Variants in JAZF1 observed in about 807,000 individuals in gnomAD.
JAZF1 encodes juxtaposed with another zinc finger protein 1.
A neutral mutation model predicts 26.4 loss-of-function variants in JAZF1; 8 were observed. The ratio of observed to expected loss-of-function variants is 0.30; its 90% CI spans 0.18 to 0.55. The LOEUF is 0.55. Among genes scored for constraint, JAZF1 ranks in the 20% least tolerant of loss-of-function variants. The probability of loss-of-function intolerance (pLI) is 0.94; values close to 1 mark genes in which losing one functional copy is unlikely to be tolerated. For synonymous variants in JAZF1, 126 were observed against 122.3 expected (o/e 1.03, Z -0.20); for missense variants, 199 against 322.0 (o/e 0.62, Z 2.92).
intron 4 of JAZF1, among the ~76,000 whole-genome samples, chr7:27,834,690 T>TCC (rs1782771981): frequency 6.6e-6 from 1 of 152,152 alleles, no homozygotes; most frequent in Non-Finnish European, 1.5e-5. Flanking sequence ...GGCGGTTCCA[T>TCC]CCCCTCCGAG....
chr7:28,057,406 C>T (rs1177688482), intron 1 of JAZF1, among the ~76,000 whole-genome samples: 1 of 152,180 alleles, frequency 6.6e-6, no homozygotes, highest in East Asian at 1.9e-4. Flanking sequence ...TAGCTAAGAT[C>T]TACTGACCAC....
chr7:28,025,568 G>A (rs565583498), intron 1 of JAZF1, among the ~76,000 whole-genome samples: 42 of 152,256 alleles, frequency 2.8e-4, no homozygotes, highest in South Asian at 1.2e-3. Context: ...AGTAAAATAC[G>A]TCATTTAAAA....
intron 1 of JAZF1, among the ~76,000 whole-genome samples, chr7:28,101,620 T>G (rs193160707): frequency 4.8e-4 from 69 of 142,982 alleles, no homozygotes; most frequent in African/African-American, 1.8e-3. Context: ...AATGCACACC[T>G]GTAGTCCCAG....
At chr7:28,007,593 A>G (rs1782726598) in intron 1 of JAZF1, among the ~76,000 whole-genome samples, 1 of 151,704 alleles carries the variant, frequency 6.6e-6, no homozygotes, top group African/African-American at 2.4e-5. Flanking sequence ...TTATTTCTGG[A>G]CACTAAGGTT....
chr7:27,886,935 A>C (rs1783877352), intron 3 of JAZF1, among the ~76,000 whole-genome samples: 1 of 152,214 alleles, frequency 6.6e-6, no homozygotes, highest in African/African-American at 2.4e-5. Context: ...AAAGAATGAG[A>C]TCATGTACTT....
chr7:27,875,035 G>T (rs915697079), intron 3 of JAZF1, among the ~76,000 whole-genome samples: 2 of 152,172 alleles, frequency 1.3e-5, no homozygotes, highest in Admixed American at 1.3e-4. Flanking sequence ...AAAAGCTTGG[G>T]AACTATTGAA....
chr7:28,091,637 C>T (rs1784298547), intron 1 of JAZF1, among the ~76,000 whole-genome samples: 1 of 148,562 alleles, frequency 6.7e-6, no homozygotes, highest in Non-Finnish European at 1.5e-5. Context: ...TATATATATA[C>T]ACACACACAG....
chr7:27,919,147 T>G (rs1421696918), intron 2 of JAZF1, among the ~76,000 whole-genome samples: 2 of 152,232 alleles, frequency 1.3e-5, no homozygotes, highest in African/African-American at 4.8e-5. Flanking sequence ...CACCTGTGGG[T>G]AGACTATCTT....
chr7:28,044,575 G>A (rs1486380057), intron 1 of JAZF1, among the ~76,000 whole-genome samples: 6 of 152,088 alleles, frequency 3.9e-5, no homozygotes, highest in African/African-American at 1.4e-4. Context: ...AGTTCAGCAA[G>A]ACAGTGGGAG....
intron 1 of JAZF1, among the ~76,000 whole-genome samples, chr7:28,104,927 C>A (rs1784527870): frequency 6.6e-6 from 1 of 152,152 alleles, no homozygotes; most frequent in African/African-American, 2.4e-5. Context: ...GAAGACTCTG[C>A]CCTTGACTTT....
At chr7:27,839,842 A>G (rs1483723180) in intron 4 of JAZF1, among the ~76,000 whole-genome samples, 1 of 152,154 alleles carries the variant, frequency 6.6e-6, no homozygotes, top group Non-Finnish European at 1.5e-5. Flanking sequence ...TTTAAGCTTT[A>G]AAAAATAGTC....
chr7:28,129,798 G>C (rs1390579904), intron 1 of JAZF1, among the ~76,000 whole-genome samples: 1 of 152,164 alleles, frequency 6.6e-6, no homozygotes, highest in Non-Finnish European at 1.5e-5. Context: ...ACATCATCCA[G>C]AGATAAGTTG....
intron 1 of JAZF1, among the ~76,000 whole-genome samples, chr7:28,030,506 T>A (rs567057328): frequency 6.0e-4 from 92 of 152,344 alleles, no homozygotes; most frequent in African/African-American, 2.0e-3. Flanking sequence ...TGACTTGTTA[T>A]GGATAACTCT....
chr7:28,004,399 C>CT (rs1782664574), intron 1 of JAZF1, among the ~76,000 whole-genome samples: 1 of 146,344 alleles, frequency 6.8e-6, no homozygotes, highest in Non-Finnish European at 1.5e-5. Flanking sequence ...ACCTGGGTAA[C>CT]TTAAAAAAAA....
At chr7:28,066,632 A>C (rs1783887985) in intron 1 of JAZF1, among the ~76,000 whole-genome samples, 1 of 151,054 alleles carries the variant, frequency 6.6e-6, no homozygotes, top group African/African-American at 2.4e-5. Flanking sequence ...AAAAAAGAGA[A>C]AGCATTAACA....
intron 2 of JAZF1, among the ~76,000 whole-genome samples, chr7:27,938,304 T>A (rs1388298788): frequency 6.6e-6 from 1 of 152,226 alleles, no homozygotes; most frequent in Non-Finnish European, 1.5e-5. Flanking sequence ...TTTGTTTTGT[T>A]CTTAACTTTC....
At chr7:27,911,143 T>C (rs206) in intron 2 of JAZF1, among the ~76,000 whole-genome samples, 48,161 of 152,094 alleles carry the variant, frequency 0.32, 7,965 homozygotes, top group Admixed American at 0.42. Flanking sequence ...TCCATAGCGT[T>C]TTTAGGTGTT....
chr7:28,128,256 C>T (rs1419297071), intron 1 of JAZF1, among the ~76,000 whole-genome samples: 2 of 152,094 alleles, frequency 1.3e-5, no homozygotes, highest in Non-Finnish European at 2.9e-5. Flanking sequence ...GGGCGCAGTG[C>T]TTCATGCCTG....
chr7:27,884,292 AG>A (rs1254090565), intron 3 of JAZF1, among the ~76,000 whole-genome samples: 1 of 152,112 alleles, frequency 6.6e-6, no homozygotes, highest in Non-Finnish European at 1.5e-5. Flanking sequence ...CACCACACCC[AG>A]CTAATTTTTT....
Sources: allele counts gnomAD v4.1 joint callset (sites outside exome capture counted in the v4.1 genomes callset), GRCh38; gene constraint gnomAD v4.1.1; transcripts MANE v1.5; gene names NCBI Gene and HGNC (gene_info 2026-07-23, HGNC 2026-07-21).